The following THADA variants were observed in gnomAD, a reference collection of about 807,000 sequenced individuals.
The protein encoded by THADA is tRNA (32-2'-O)-methyltransferase regulator THADA.
THADA carries 213 observed loss-of-function variants against 219.8 expected under a neutral mutation model. That is an observed-to-expected ratio of 0.97 (90% confidence interval 0.87 to 1.09). The LOEUF (loss-of-function observed/expected upper bound fraction) is 1.09. Among genes scored for constraint, THADA ranks in the 50% least tolerant of loss-of-function variants. THADA has a pLI of 0.00. For synonymous variants in THADA, 1,018 were observed against 828.9 expected, an observed-to-expected ratio of 1.23 and a Z score of -3.92; for missense variants, 2,956 against 2,311.3, an observed-to-expected ratio of 1.28 and a Z score of -5.72.
chr2:43,494,320 T>C (rs1688004489), intron 25 of THADA, among the ~76,000 whole-genome samples: 1 of 152,236 alleles, frequency 6.6e-6, no homozygotes, highest in East Asian at 1.9e-4. Context: ...CATCTTTCCT[T>C]GCCTCACTTC....
At position 43,510,321 on chromosome 2, in the gene THADA, A is replaced by C. The variant is rs1178211875; in HGVS notation, c.3375-1541T>G. Among the ~76,000 whole-genome samples the C allele has an allele frequency of 3.9e-5, 6 of 152,278 alleles. No homozygotes were observed. The East Asian group carries it at 1.2e-3, about 29-fold the overall frequency. ...CACTATTGAATTTGGATGATGGGTA[A>C]AGGTCGCTTATTATTCTCTCTACTT... On this transcript the variant is annotated intron_variant, in intron 22 of 37. Transcript: ENST00000405975.
In THADA at chr2:43,521,815, A is replaced by G. The variant is rs79238261; in HGVS notation, c.3374+6064T>C. 7.2e-3 allele frequency among the ~76,000 whole-genome samples: 1,097 copies of G among 152,346 alleles called. 13 individuals are homozygous for G. The highest frequency in any genetic ancestry group is 0.025 in the African/African-American group (1,034 of 41,572). On this transcript the variant is annotated intron_variant, in intron 22 of 37. Coordinates refer to ENST00000405975, the MANE Select transcript of THADA (RefSeq NM_022065.5). ...CCCGCAGACTAAAATCAAATTACAT[A>G]AGCTGTATACCCAACTAACTGGTCA...
chr2:43,565,172 TCACAC>T (rs1698516177), intron 15 of THADA: 1 of 152,198 alleles, frequency 6.6e-6, no homozygotes, highest in African/African-American at 2.4e-5. Context: ...GTGCGGTGGC[TCACAC>T]CTGTAATCCC....
chr2:43,352,990 G>C (rs977441662), intron 29 of THADA, among the ~76,000 whole-genome samples: 37 of 152,052 alleles, frequency 2.4e-4, no homozygotes, highest in African/African-American at 8.5e-4. Flanking sequence ...ATATAATTAA[G>C]ATCATGCGAC....
chr2:43,358,608 T>C (rs574831691), intron 29 of THADA, among the ~76,000 whole-genome samples: 1 of 152,340 alleles, frequency 6.6e-6, no homozygotes, highest in African/African-American at 2.4e-5. Context: ...GGCTATAAAA[T>C]TTGCCTTGTA....
intron 29 of THADA, among the ~76,000 whole-genome samples, chr2:43,352,898 C>T (rs2104564093): frequency 6.6e-6 from 1 of 152,314 alleles, no homozygotes; most frequent in Admixed American, 6.5e-5. Context: ...CTATCCTATA[C>T]TCCAACCCTG....
intron 31 of THADA, among the ~76,000 whole-genome samples, chr2:43,304,227 G>T (rs1676585307): frequency 6.6e-6 from 1 of 152,038 alleles, no homozygotes; most frequent in Non-Finnish European, 1.5e-5. Flanking sequence ...AAGAAAAAAT[G>T]CAAGGCCCAG....
At chr2:43,485,831 A>G (rs1573890487) in intron 25 of THADA, among the ~76,000 whole-genome samples, 1 of 151,732 alleles carries the variant, frequency 6.6e-6, no homozygotes, top group South Asian at 2.1e-4. Context: ...GGAGTTTGAG[A>G]CCAGCCTGGG....
chr2:43,520,876 G>A (rs949728808), intron 22 of THADA, among the ~76,000 whole-genome samples: 2 of 147,700 alleles, frequency 1.4e-5, no homozygotes, highest in Admixed American at 6.8e-5. Context: ...AAAGCAGCAC[G>A]GTATGAAGAG....
At chr2:43,477,026 G>A (rs1685633752) in intron 26 of THADA, among the ~76,000 whole-genome samples, 1 of 152,106 alleles carries the variant, frequency 6.6e-6, no homozygotes, top group Admixed American at 6.5e-5. Context: ...ATTTTTATCT[G>A]ACAATGTGGG....
At chr2:43,400,205 C>T (rs1168252282) in intron 28 of THADA, among the ~76,000 whole-genome samples, 1 of 151,994 alleles carries the variant, frequency 6.6e-6, no homozygotes, top group Non-Finnish European at 1.5e-5. Flanking sequence ...GGCATCCATA[C>T]AAGAGGAAGG....
intron 26 of THADA, among the ~76,000 whole-genome samples, chr2:43,452,859 C>G (rs1025079111): frequency 3.9e-5 from 6 of 152,170 alleles, no homozygotes; most frequent in Non-Finnish European, 7.3e-5. Flanking sequence ...TCTCCTGTCT[C>G]TCCTGTATTC....
intron 13 of THADA, 98 bp from the exon 14 acceptor site, chr2:43,570,608 A>C: frequency 1.6e-6 from 2 of 1,278,290 alleles, no homozygotes; most frequent in Non-Finnish European, 2.1e-6. Context: ...TCAGGCAAGA[A>C]GAGTACAGAT....
intron 30 of THADA, among the ~76,000 whole-genome samples, chr2:43,332,840 C>G (rs565638936): frequency 6.6e-6 from 1 of 152,254 alleles, no homozygotes; most frequent in Non-Finnish European, 1.5e-5. Flanking sequence ...TTGCAGATTT[C>G]TATATTTAAA....
intron 30 of THADA, among the ~76,000 whole-genome samples, chr2:43,321,743 A>T (rs912818899): frequency 4.6e-5 from 7 of 152,212 alleles, no homozygotes; most frequent in Admixed American, 4.6e-4. Flanking sequence ...AGTCACTGTG[A>T]GTGTTCAATG....
chr2:43,548,034 T>C (rs559917298), intron 20 of THADA, among the ~76,000 whole-genome samples: 1 of 152,166 alleles, frequency 6.6e-6, no homozygotes, highest in Non-Finnish European at 1.5e-5. Context: ...GATGTACAGA[T>C]GGGTTTTTGG....
rs1026001606 is a variant in THADA at position 43,406,235 on chromosome 2, G to A, written c.4059-8096C>T. 5.9e-5 allele frequency among the ~76,000 whole-genome samples: 9 copies of A among 152,198 alleles called. No individual in the cohort carries two copies. The South Asian group carries it at 1.9e-3, about 32-fold the overall frequency. On this transcript the variant is annotated intron_variant, in intron 28 of 37. Transcript: ENST00000405975. ...CTTTCAGTGCCAGGAAATAAGGCAAGGAGATTTTCCAACAGGGAGGGGTGA... is the reference window on the plus strand; with the variant it reads ...CTTTCAGTGCCAGGAAATAAGGCAAAGAGATTTTCCAACAGGGAGGGGTGA...
chr2:43,545,597 C>T (rs1200191738), intron 20 of THADA, among the ~76,000 whole-genome samples: 2 of 152,120 alleles, frequency 1.3e-5, no homozygotes, highest in South Asian at 4.1e-4. Context: ...CTGGTTTAGT[C>T]GTGGGAGGGT....
At chr2:43,257,094 T>G (rs74713216) in intron 36 of THADA, among the ~76,000 whole-genome samples, 2,895 of 152,090 alleles carry the variant, frequency 0.019, 89 homozygotes, top group African/African-American at 0.065. Flanking sequence ...GGTCCCTCTG[T>G]TGGTGGGTGG....
Sources: gnomAD v4.1 joint callset for allele counts (sites outside exome capture counted in the v4.1 genomes callset) on GRCh38, gnomAD v4.1.1 for gene constraint, MANE v1.5 for transcripts, NCBI Gene and HGNC (gene_info 2026-07-23, HGNC 2026-07-21) for gene names.